CFAP299: variants seen among roughly 807,000 people sequenced by gnomAD.
The protein encoded by CFAP299 is cilia and flagella associated protein 299.
Under a neutral mutation model 27.0 loss-of-function variants are expected in CFAP299, and 21 were observed. The observed-to-expected ratio is 0.78, with a 90% confidence interval of 0.55 to 1.12. The LOEUF is 1.12. CFAP299 is among the 50% of genes most tolerant of loss of function. CFAP299 has a pLI of 0.00. For synonymous variants in CFAP299, 104 were observed against 98.1 expected (o/e 1.06, Z -0.36); for missense variants, 310 against 276.6 (o/e 1.12, Z -0.86).
intron 3 of CFAP299, among the ~76,000 whole-genome samples, chr4:80,716,440 A>G (rs1041048269): frequency 2.0e-5 from 3 of 151,326 alleles, no homozygotes; most frequent in Non-Finnish European, 4.4e-5. Context: ...AGACAGATCA[A>G]TTTGGGCTTC....
intron 5 of CFAP299, among the ~76,000 whole-genome samples, chr4:80,960,657 A>C (rs1738298938): frequency 6.6e-6 from 1 of 151,866 alleles, no homozygotes; most frequent in African/African-American, 2.4e-5. Context: ...GGACATAGAC[A>C]GTGGTGTCAG....
chr4:80,669,689 T>A (rs1242233236), intron 3 of CFAP299, among the ~76,000 whole-genome samples: 2 of 152,054 alleles, frequency 1.3e-5, no homozygotes, highest in Non-Finnish European at 2.9e-5. Flanking sequence ...CATTTATTTG[T>A]CTTGCCTCAC....
intron 5 of CFAP299, among the ~76,000 whole-genome samples, chr4:80,945,325 C>G (rs1737419036): frequency 6.6e-6 from 1 of 152,120 alleles, no homozygotes. Flanking sequence ...TACATTTGTA[C>G]CCAGAATTCT....
At chr4:80,461,646 T>C (rs1729442218) in intron 2 of CFAP299, among the ~76,000 whole-genome samples, 1 of 152,150 alleles carries the variant, frequency 6.6e-6, no homozygotes, top group Admixed American at 6.5e-5. Context: ...AGGTTTACTT[T>C]AGAATGCCCT....
At chr4:80,842,804 A>G (rs1730936605) in intron 3 of CFAP299, among the ~76,000 whole-genome samples, 1 of 152,124 alleles carries the variant, frequency 6.6e-6, no homozygotes, top group African/African-American at 2.4e-5. Flanking sequence ...TGAAATGTTC[A>G]TTTCCTTCAG....
At chr4:80,394,772 T>C (rs1725687003) in intron 2 of CFAP299, among the ~76,000 whole-genome samples, 1 of 152,146 alleles carries the variant, frequency 6.6e-6, no homozygotes, top group Non-Finnish European at 1.5e-5. Flanking sequence ...CTGTTCTGGT[T>C]CATTGGCTTG....
intron 3 of CFAP299, among the ~76,000 whole-genome samples, chr4:80,641,757 T>C (rs371882836): frequency 1.1e-4 from 16 of 152,186 alleles, no homozygotes; most frequent in African/African-American, 2.2e-4. Context: ...GTGAGCATTA[T>C]TTGGCCACAA....
At chr4:80,772,318 T>C (rs1051813249) in intron 3 of CFAP299, among the ~76,000 whole-genome samples, 8 of 152,036 alleles carry the variant, frequency 5.3e-5, no homozygotes, top group Admixed American at 5.2e-4. Context: ...GTGGTGCAGG[T>C]CTCTTATCAC....
intron 2 of CFAP299, among the ~76,000 whole-genome samples, chr4:80,400,035 G>T (rs1005465722): frequency 8.6e-5 from 13 of 151,914 alleles, no homozygotes; most frequent in African/African-American, 2.4e-5. Flanking sequence ...CTATTTGTTG[G>T]ATTTTTGCCA....
chr4:80,559,946 T>C (rs977745927), intron 2 of CFAP299, among the ~76,000 whole-genome samples: 13 of 152,102 alleles, frequency 8.5e-5, no homozygotes, highest in African/African-American at 2.4e-5. Flanking sequence ...GAACTAGGCC[T>C]AGAGACAGTG....
At chr4:80,385,505 C>G (rs2110024620) in intron 2 of CFAP299, among the ~76,000 whole-genome samples, 1 of 152,016 alleles carries the variant, frequency 6.6e-6, no homozygotes, top group South Asian at 2.1e-4. Flanking sequence ...TTTCATCATA[C>G]TGGATCCCCA....
intron 2 of CFAP299, among the ~76,000 whole-genome samples, chr4:80,454,539 GC>G (rs1168107347): frequency 6.6e-6 from 1 of 152,168 alleles, no homozygotes; most frequent in African/African-American, 2.4e-5. Context: ...GGGCACACAT[GC>G]CCATATAATT....
At chr4:80,843,617 AT>A (rs1730991869) in intron 3 of CFAP299, among the ~76,000 whole-genome samples, 1 of 152,086 alleles carries the variant, frequency 6.6e-6, no homozygotes, top group African/African-American at 2.4e-5. Flanking sequence ...GCTGGGTCAA[AT>A]ACTATTTCTA....
chr4:80,957,421 AAGAT>A (rs1738125995), intron 5 of CFAP299, among the ~76,000 whole-genome samples: 1 of 152,220 alleles, frequency 6.6e-6, no homozygotes, highest in African/African-American at 2.4e-5. Flanking sequence ...TTTTTAAAAG[AAGAT>A]AGAATCATCA....
chr4:80,837,377 C>T (rs1730620023), intron 3 of CFAP299, among the ~76,000 whole-genome samples: 1 of 152,106 alleles, frequency 6.6e-6, no homozygotes, highest in African/African-American at 2.4e-5. Flanking sequence ...TGGTGGTTTG[C>T]TGCACCCATC....
intron 4 of CFAP299, among the ~76,000 whole-genome samples, chr4:80,888,486 T>G (rs1734082163): frequency 6.6e-6 from 1 of 152,058 alleles, no homozygotes; most frequent in Non-Finnish European, 1.5e-5. Context: ...CAAATATTAT[T>G]AGAGGCAATG....
chr4:80,397,467 T>G (rs1725867734), intron 2 of CFAP299, among the ~76,000 whole-genome samples: 1 of 152,186 alleles, frequency 6.6e-6, no homozygotes, highest in African/African-American at 2.4e-5. Flanking sequence ...CTTTTAATTG[T>G]GATGTTAGGG....
chr4:80,935,397 G>A (rs1736838406), intron 4 of CFAP299, among the ~76,000 whole-genome samples: 1 of 152,020 alleles, frequency 6.6e-6, no homozygotes, highest in African/African-American at 2.4e-5. Context: ...AGAGAGCTCA[G>A]AAGAAGGGCC....
Position 80,456,649 on chromosome 4 carries a change from G to A in CFAP299, c.242+93765G>A, listed in dbSNP as rs534835319. ...GATACATGGAGGATTGGAATCTGGA[G>A]TTTGTATTTTAGATGTAGCAAGTTT... On this transcript the variant is annotated intron_variant, in intron 2 of 5. Transcript: ENST00000358105. Among the ~76,000 whole-genome samples the A allele has an allele frequency of 3.9e-5, 6 of 152,280 alleles. No homozygotes were observed. In the East Asian group the frequency reaches 1.2e-3, roughly 29 times the overall value.
Sources: gnomAD v4.1 joint callset for allele counts (sites outside exome capture counted in the v4.1 genomes callset) on GRCh38, gnomAD v4.1.1 for gene constraint, MANE v1.5 for transcripts, NCBI Gene and HGNC (gene_info 2026-07-23, HGNC 2026-07-21) for gene names.